MMP25: variants seen among roughly 807,000 people sequenced by gnomAD.
MMP25 encodes the protein matrix metallopeptidase 25, also known as matrix metalloproteinase-25.
In MMP25, 68 loss-of-function variants were observed where a neutral mutation model predicts 62.1. The ratio of observed to expected loss-of-function variants is 1.10; its 90% confidence interval spans 0.90 to 1.34. The LOEUF (loss-of-function observed/expected upper bound fraction) is 1.34, where lower values mean the gene tolerates loss of function less well. MMP25 is among the 40% of genes most tolerant of loss of function. The pLI is 0.00. For synonymous variants in MMP25, 407 were observed against 345.6 expected, an observed-to-expected ratio of 1.18 and a Z score of -1.97; for missense variants, 942 against 792.5, an observed-to-expected ratio of 1.19 and a Z score of -2.26.
intron 4 of MMP25, chr16:3,055,588 T>C (rs1424759333): frequency 3.0e-6 from 1 of 329,354 alleles, no homozygotes; most frequent in Non-Finnish European, 6.1e-6. Context: ...ACAGGTTTGG[T>C]GAGAAGTGAA....
chr16:3,057,996 C>A, intron 7 of MMP25, 185 bp from the exon 8 acceptor site: 1 of 669,420 alleles, frequency 1.5e-6, no homozygotes, highest in Non-Finnish European at 2.4e-6. Context: ...AGCCACCAGG[C>A]AAGGCCCTGG....
rs1056332627 is a variant in MMP25, at chr16:3,050,051, T to G, written c.275T>G (p.Leu92Arg). ...ACCATGCGTAAGCCCCGCTGCTCCC[T>G]GCCTGACGTGCTGGGGGTGGCGGGG... ...VATMRKPRCS[L>R]PDVLGVAGLV... The change falls in exon 3 of 10, where the codon CTG (leucine) becomes CGG (arginine). Residue 92 changes from leucine to arginine, a missense_variant. Transcript: ENST00000336577. 2 of 1,610,966 alleles carry G rather than the reference T, an allele frequency of 1.2e-6. No individual in the cohort carries two copies. The highest frequency in any genetic ancestry group is 3.3e-5 in the Admixed American group (2 of 60,014).
chr16:3,058,707 G>T, intron 9 of MMP25, 38 bp downstream of exon 9: 1 of 1,569,126 alleles, frequency 6.4e-7, no homozygotes, highest in Non-Finnish European at 8.7e-7. Context: ...CTGGGCCTGG[G>T]GGTGGGGAGA....
Position 3,050,112 on chromosome 16 carries a change from C to T in MMP25, c.336C>T (p.Gly112=). Residue 112 remains glycine (G), a synonymous_variant, in exon 3 of 10, where the codon GGC becomes GGT. Coordinates refer to ENST00000336577, the MANE Select transcript of MMP25 (RefSeq NM_022468.5). ...VRRRRRYALS[G]SVWKKRTLTW... is the part of the protein sequence containing the mutation. ...GGCGTCGCCGGTACGCTCTGAGCGG[C>T]AGCGTGTGGAAGAAGCGAACCCTGA... 1 of 1,609,422 alleles carries T rather than the reference C, an allele frequency of 6.2e-7. No individual in the cohort carries two copies. The highest frequency in any genetic ancestry group is 8.5e-7 in the Non-Finnish European group (1 of 1,177,620).
At chr16:3,057,639 T>G in intron 7 of MMP25, 26 bp downstream of exon 7, 2 of 1,608,198 alleles carry the variant, frequency 1.2e-6, no homozygotes, top group Non-Finnish European at 1.7e-6. Flanking sequence ...TGGCCTCATA[T>G]ATGTTGGTTT....
At chr16:3,057,496 C>A (rs761974588) in intron 6 of MMP25, 35 bp from the exon 7 acceptor site, 2 of 1,601,676 alleles carry the variant, frequency 1.2e-6, no homozygotes, top group Non-Finnish European at 1.7e-6. Context: ...AGAAAACAAA[C>A]CCCCCTCTCT....
Position 3,057,016 on chromosome 16 carries a change from C to G in MMP25, c.662-17C>G. 4 of 1,548,134 alleles carry G rather than the reference C, an allele frequency of 2.6e-6. No homozygotes were observed. Among genetic ancestry groups the G allele is most frequent in the Non-Finnish European group, 3.5e-6 (4 of 1,147,128 alleles). ...CAAGCAGGGGCGGCCGCAGCTCTCA[C>G]CCACTTTCTCCTGCAGACGGCGAGG... is the stretch of plus-strand genomic sequence containing the variant. On this transcript the variant is annotated splice_polypyrimidine_tract_variant and intron_variant, in intron 4 of 9. Coordinates refer to ENST00000336577, the MANE Select transcript of MMP25 (RefSeq NM_022468.5).
In MMP25 at chr16:3,046,865, GC is replaced by G; in HGVS notation, c.-49del. The G allele has an allele frequency of 2.7e-6, 3 of 1,095,286 alleles. No homozygotes were observed. The highest frequency in any genetic ancestry group is 3.6e-6 in the Non-Finnish European group (3 of 826,920). The allele number at this position is 1,095,286 out of a possible 1,614,324, so 67.8% of individuals were successfully genotyped here. On this transcript the variant is annotated 5_prime_UTR_variant, in exon 1 of 10. Coordinates refer to ENST00000336577, the MANE Select transcript of MMP25 (RefSeq NM_022468.5). ...TCTCCTCCCCCAGGTCCCCGGGGCGGCCCCAGCCAGGCCCCCTTCGAACCCC... is the reference window on the plus strand; with the variant it reads ...TCTCCTCCCCCAGGTCCCCGGGGCGGCCCAGCCAGGCCCCCTTCGAACCCC...
intron 9 of MMP25, 40 bp from the exon 10 acceptor site, chr16:3,058,787 G>A: frequency 6.7e-7 from 1 of 1,496,228 alleles, no homozygotes; most frequent in Non-Finnish European, 8.9e-7. Flanking sequence ...AGGGAGCGGC[G>A]GGGCGGGGAG....
In MMP25 at chr16:3,060,627, G is replaced by C. The variant is rs1319402447; in HGVS notation, c.*1529G>C. The C allele has an allele frequency of 6.6e-6, 1 of 152,152 alleles. No individual in the cohort carries two copies. Among genetic ancestry groups the C allele is most frequent in the Non-Finnish European group, 1.5e-5 (1 of 68,042 alleles). The allele number at this position is 152,152 out of a possible 1,614,324, so 9.4% of individuals were successfully genotyped here. A position where few individuals can be genotyped will look rare whatever the true frequency, so the allele number is the denominator to read the frequency against. On this transcript the variant is annotated 3_prime_UTR_variant, in exon 10 of 10. Transcript: ENST00000336577. The stretch of plus-strand genomic sequence containing the variant: ...ATTCTGGGCTGCCAGGAAACGATTT[G>C]GGCCTCTGTCAGTTTCTTTTCCATG...
At chr16:3,050,213 C>T (rs753966870) in intron 3 of MMP25, 41 bp from the exon 4 acceptor site, 19 of 1,573,800 alleles carry the variant, frequency 1.2e-5, no homozygotes, top group Non-Finnish European at 1.6e-5. Flanking sequence ...GCTGCCTGCT[C>T]CCTCCACGGC....
At chr16:3,047,744 C>A (rs1453013606) in intron 2 of MMP25, among the ~76,000 whole-genome samples, 197 bp downstream of exon 2, 1 of 152,042 alleles carries the variant, frequency 6.6e-6, no homozygotes, top group Non-Finnish European at 1.5e-5. Flanking sequence ...CCGGTAATCC[C>A]AGGGTTTTGG....
At chr16:3,055,998 G>A in intron 4 of MMP25, 1 of 453,704 alleles carries the variant, frequency 2.2e-6, no homozygotes, top group Non-Finnish European at 4.4e-6. Context: ...GGGCCGGCAG[G>A]CTGTGTTCTG....
chr16:3,046,847 C>T lies in MMP25; in HGVS notation c.-71C>T, dbSNP rs1955826804. ...GCCCTCTCCAGGCCCGGATCTCCTC[C>T]CCCAGGTCCCCGGGGCGGCCCCAGC... On this transcript the variant is annotated 5_prime_UTR_variant, in exon 1 of 10. Coordinates refer to ENST00000336577, the MANE Select transcript of MMP25 (RefSeq NM_022468.5). The T allele has an allele frequency of 1.1e-6, 1 of 878,582 alleles. No individual in the cohort carries two copies. Among genetic ancestry groups the T allele is most frequent in the Non-Finnish European group, 1.6e-6 (1 of 631,988 alleles). The allele number at this position is 878,582 out of a possible 1,614,324, so 54.4% of individuals were successfully genotyped here.
chr16:3,051,749 T>C (rs1367530711), intron 4 of MMP25: 1 of 152,158 alleles, frequency 6.6e-6, no homozygotes, highest in African/African-American at 2.4e-5. Context: ...TCCTCAAGCC[T>C]GCAGGGGCTC....
rs1230115486 is a variant in MMP25, at chr16:3,047,547, G to C, written c.232G>C (p.Asp78His). 1 of 1,612,530 alleles carries C rather than the reference G, an allele frequency of 6.2e-7. No homozygotes were observed. The highest frequency in any genetic ancestry group is 8.5e-7 in the Non-Finnish European group (1 of 1,179,710). The change falls in exon 2 of 10, where the codon GAC (aspartate) becomes CAC (histidine). Residue 78 changes from aspartate (D) to histidine (H), a missense_variant and splice_region_variant. Asp to His is a moderately conservative substitution (Grantham distance 81). Coordinates refer to ENST00000336577, the MANE Select transcript of MMP25 (RefSeq NM_022468.5). ...FAGLPETGRM[D>H]PGTVATMRKP... Reference sequence around the variant, plus strand: ...GGGGCTGCCGGAGACCGGCCGCATGGGTAGGTGGCCCCCACCCCTCCCCAG... The same window carrying C: ...GGGGCTGCCGGAGACCGGCCGCATGCGTAGGTGGCCCCCACCCCTCCCCAG...
At position 3,050,405 on chromosome 16, in the gene MMP25, T is replaced by C. The variant is rs1596212768; in HGVS notation, c.520T>C (p.Phe174Leu). ...QGQEPDILIDFARAFHQDSYP... is the reference protein window; with the variant it reads ...QGQEPDILIDLARAFHQDSYP... Reference sequence around the variant, plus strand: ...CCAGGAGCCCGACATCCTCATCGACTTTGCCCGCGCCTTCCACCAGGACAG... The same window carrying C: ...CCAGGAGCCCGACATCCTCATCGACCTTGCCCGCGCCTTCCACCAGGACAG... Residue 174 changes from phenylalanine to leucine, a missense_variant, in exon 4 of 10, where the codon TTT becomes CTT. Coordinates refer to ENST00000336577, the MANE Select transcript of MMP25 (RefSeq NM_022468.5). 1.9e-6 allele frequency: 3 copies of C among 1,613,962 alleles called. No homozygotes were observed. Among genetic ancestry groups the C allele is most frequent in the Middle Eastern group, 1.6e-4 (1 of 6,062 alleles).
At chr16:3,055,647 C>G (rs145433898) in intron 4 of MMP25, 1 of 347,650 alleles carries the variant, frequency 2.9e-6, no homozygotes, top group East Asian at 7.7e-5. Context: ...CATGCTTAGA[C>G]GCTCAGCGAG....
intron 2 of MMP25, 74 bp downstream of exon 2, chr16:3,047,621 C>T: frequency 6.6e-7 from 1 of 1,512,192 alleles, no homozygotes; most frequent in Non-Finnish European, 9.0e-7. Context: ...CTTTAGACCT[C>T]AGTGTGCTCC....
Sources: gnomAD v4.1 joint callset for allele counts (sites outside exome capture counted in the v4.1 genomes callset) on GRCh38, gnomAD v4.1.1 for gene constraint, MANE v1.5 for transcripts, NCBI Gene and HGNC (gene_info 2026-07-23, HGNC 2026-07-21) for gene names.